The following HDAC4 variants were observed in gnomAD, a reference collection of about 807,000 sequenced individuals.
HDAC4 encodes histone deacetylase 4.
In HDAC4, 16 loss-of-function variants were observed where a neutral mutation model predicts 135.1. The ratio of observed to expected loss-of-function variants is 0.12; its 90% CI spans 0.08 to 0.18. The LOEUF is 0.18. Among genes scored for constraint, HDAC4 ranks in the 10% least tolerant of loss-of-function variants. HDAC4 has a pLI of 1.00. For synonymous variants in HDAC4, 685 were observed against 653.4 expected (o/e 1.05, Z -0.74); for missense variants, 1,143 against 1,511.8 (o/e 0.76, Z 4.05).
At chr2:239,128,537 T>TA (rs112446898) in intron 11 of HDAC4, among the ~76,000 whole-genome samples, 5 of 142,996 alleles carry the variant, frequency 3.5e-5, no homozygotes, top group South Asian at 2.3e-4. Flanking sequence ...AAAAAAAAAA[T>TA]AAAAAAAAGA....
intron 24 of HDAC4, among the ~76,000 whole-genome samples, chr2:239,060,815 C>T (rs1291107750): frequency 6.6e-6 from 1 of 152,242 alleles, no homozygotes; most frequent in Non-Finnish European, 1.5e-5. Context: ...CCGCACCTGC[C>T]CCGGCCCGGG....
At chr2:239,129,531 T>C (rs922036406) in intron 11 of HDAC4, among the ~76,000 whole-genome samples, 11 of 152,148 alleles carry the variant, frequency 7.2e-5, no homozygotes. Flanking sequence ...GCCAGGGTTT[T>C]TCCAGCTTCT....
At position 239,331,261 on chromosome 2, in the gene HDAC4, G is replaced by A. The variant is rs574428574; in HGVS notation, c.22+21417C>T. 1.3e-5 allele frequency among the ~76,000 whole-genome samples: 2 copies of A among 152,116 alleles called. No homozygotes were observed. Among genetic ancestry groups the A allele is most frequent in the East Asian group, 1.9e-4 (1 of 5,176 alleles). ...TGGAATGAATTCTTCCTTCATATTCGAGGGGAAAACGGTAAAAGCCACGAG... is the reference window on the plus strand; with the variant it reads ...TGGAATGAATTCTTCCTTCATATTCAAGGGGAAAACGGTAAAAGCCACGAG... On this transcript the variant is annotated intron_variant, in intron 2 of 26. Transcript: ENST00000543185. This position sits in a 1 kb window ranked among gnomAD's most constrained non-coding sequence, Gnocchi z 4.5.
intron 8 of HDAC4, among the ~76,000 whole-genome samples, chr2:239,142,551 C>T (rs553405480): frequency 2.9e-4 from 44 of 152,364 alleles, no homozygotes; most frequent in South Asian, 1.4e-3. Context: ...TGCTGATCTC[C>T]CAACTCCTAG....
chr2:239,084,085 C>CA, intron 20 of HDAC4, 70 bp downstream of exon 20: 1 of 1,081,824 alleles, frequency 9.2e-7, no homozygotes, highest in Non-Finnish European at 1.4e-6. Context: ...CCTCTGTCCA[C>CA]ACGCTGCTGT....
chr2:239,252,621 G>T (rs2048846121), intron 2 of HDAC4, among the ~76,000 whole-genome samples: 1 of 152,188 alleles, frequency 6.6e-6, no homozygotes, highest in African/African-American at 2.4e-5. Context: ...CCTTCTTGAG[G>T]ATGGGAAGAT....
At chr2:239,087,325 C>G (rs2036072238) in intron 19 of HDAC4, among the ~76,000 whole-genome samples, 1 of 152,246 alleles carries the variant, frequency 6.6e-6, no homozygotes, top group Non-Finnish European at 1.5e-5. Flanking sequence ...TCCACAGACC[C>G]TTTCCCATCC....
chr2:239,201,858 A>T (rs942372008), intron 3 of HDAC4, among the ~76,000 whole-genome samples: 1 of 152,260 alleles, frequency 6.6e-6, no homozygotes, highest in Admixed American at 6.5e-5. Context: ...ATCGGCTTTC[A>T]CTTGCACCAA....
intron 12 of HDAC4, among the ~76,000 whole-genome samples, chr2:239,116,850 A>C (rs1218763288): frequency 6.6e-6 from 1 of 152,148 alleles, no homozygotes; most frequent in Non-Finnish European, 1.5e-5. Context: ...CCACTCCAAG[A>C]GGCTTTGTGA....
At chr2:239,351,826 C>T (rs543407327) in intron 2 of HDAC4, 75 of 154,518 alleles carry the variant, frequency 4.9e-4, no homozygotes, top group African/African-American at 1.7e-3. Context: ...CAGTGGCCAC[C>T]GTCTTCTCTC....
chr2:239,397,248 G>C (rs1435092141), intron 1 of HDAC4, among the ~76,000 whole-genome samples: 1 of 152,192 alleles, frequency 6.6e-6, no homozygotes, highest in Non-Finnish European at 1.5e-5. Context: ...TGGAGATGCA[G>C]GGGGTGGCAC....
intron 1 of HDAC4, among the ~76,000 whole-genome samples, chr2:239,376,031 G>A (rs954344687): frequency 6.6e-6 from 1 of 152,268 alleles, no homozygotes; most frequent in African/African-American, 2.4e-5. Flanking sequence ...GGTCCCTAAA[G>A]CAGGGCTGGC....
At chr2:239,294,053 G>A (rs553684493) in intron 2 of HDAC4, among the ~76,000 whole-genome samples, 27 of 152,304 alleles carry the variant, frequency 1.8e-4, no homozygotes, top group African/African-American at 1.2e-4. Context: ...CCCGCCCATC[G>A]TCTCCCAGCC....
chr2:239,224,224 T>C (rs1369538254), intron 3 of HDAC4, among the ~76,000 whole-genome samples: 1 of 152,192 alleles, frequency 6.6e-6, no homozygotes, highest in Non-Finnish European at 1.5e-5. Context: ...ACGTCAGATA[T>C]CTCTAGAATT....
rs1381780534 is a variant in HDAC4, at chr2:239,048,728, A to G, written c.*4369T>C. The G allele has an allele frequency of 6.6e-6, 1 of 152,278 alleles. No individual in the cohort carries two copies. Among genetic ancestry groups the G allele is most frequent in the Non-Finnish European group, 1.5e-5 (1 of 68,040 alleles). The allele number at this position is 152,278 out of a possible 1,614,324, so 9.4% of individuals were successfully genotyped here. A position where few individuals can be genotyped will look rare whatever the true frequency, so the allele number is the denominator to read the frequency against. ...AGACTTTTAATCAATGCCAGAGACA[A>G]AGTGAGGCCGAGCTAAGAACACGCT... On this transcript the variant is annotated 3_prime_UTR_variant, in exon 27 of 27. Transcript: ENST00000543185.
chr2:239,388,427 G>A (rs112836441), intron 1 of HDAC4, among the ~76,000 whole-genome samples: 1,875 of 152,332 alleles, frequency 0.012, 18 homozygotes, highest in Middle Eastern at 0.061. Flanking sequence ...CCCGGGCCAC[G>A]TTTGCATCGG....
rs1559379824 is a variant in HDAC4 at position 239,352,655 on chromosome 2, G to C, written c.22+23C>G. 1.9e-6 allele frequency: 3 copies of C among 1,552,954 alleles called. No individual in the cohort carries two copies. The highest frequency in any genetic ancestry group is 3.9e-5 in the Admixed American group (2 of 51,430). On this transcript the variant is annotated intron_variant, in intron 2 of 26. Coordinates refer to ENST00000543185, the MANE Select transcript of HDAC4 (RefSeq NM_001378414.1). This position sits in a 1 kb window ranked among gnomAD's most constrained non-coding sequence, Gnocchi z 4.4. ...CAAAGAAAGCCCCGCTGTGTGCCCA[G>C]AGAAGAAATGACCCGGCCTTACCTG...
At chr2:239,383,949 G>A (rs901516711) in intron 1 of HDAC4, among the ~76,000 whole-genome samples, 1 of 152,226 alleles carries the variant, frequency 6.6e-6, no homozygotes, top group Non-Finnish European at 1.5e-5. Flanking sequence ...AGGGCGGCTG[G>A]AAGAGCTGCC....
In HDAC4 at chr2:239,082,174, G is replaced by A. The variant is rs1063639; in HGVS notation, c.2580C>T (p.Pro860=). The A allele has an allele frequency of 0.49, 790,274 of 1,613,816 alleles. 197,016 individuals are homozygous for A. The highest frequency in any genetic ancestry group is 0.66 in the Admixed American group (39,515 of 60,026). ...NGTQQAFYSD[P]SVLYMSLHRY... ...GGTGGAGGGACATGTACAGGACGCT[G>A]GGGTCGCTGTAGAAAGCCTGCTGGG... The change falls in exon 21 of 27, where the codon CCC becomes CCT. Residue 860 remains proline, a synonymous_variant. Transcript: ENST00000543185.
Sources: gnomAD v4.1 joint callset for allele counts (sites outside exome capture counted in the v4.1 genomes callset) on GRCh38, gnomAD v4.1.1 for gene constraint, Gnocchi (gnomAD v3.1) non-coding constraint, MANE v1.5 for transcripts, NCBI Gene and HGNC (gene_info 2026-07-23, HGNC 2026-07-21) for gene names.